The following GPD2 variants were observed in gnomAD, a reference collection of about 807,000 sequenced individuals.
GPD2 encodes the protein glycerol-3-phosphate dehydrogenase 2.
GPD2 carries 54 observed loss-of-function variants against 82.4 expected under a neutral mutation model. The ratio of observed to expected loss-of-function variants is 0.66; its 90% CI spans 0.53 to 0.82. GPD2 has a LOEUF of 0.82. Among genes scored for constraint, GPD2 ranks in the 40% least tolerant of loss-of-function variants. The probability of loss-of-function intolerance (pLI) is 0.00; values close to 1 mark genes in which losing one functional copy is unlikely to be tolerated. For missense variants in GPD2, 748 were observed against 896.2 expected, an observed-to-expected ratio of 0.83 and a Z score of 2.11; for synonymous variants, 288 against 306.1, an observed-to-expected ratio of 0.94 and a Z score of 0.62.
intron 6 of GPD2, among the ~76,000 whole-genome samples, chr2:156,519,718 C>T (rs888929160): frequency 1.3e-5 from 2 of 152,232 alleles, no homozygotes; most frequent in Admixed American, 6.5e-5. Flanking sequence ...GTGGGACTTG[C>T]GACAGGGGTG....
upstream of GPD2, among the ~76,000 whole-genome samples, chr2:156,436,082 T>A (rs979447429): frequency 2.6e-5 from 4 of 152,164 alleles, no homozygotes; most frequent in Admixed American, 2.6e-4. Context: ...AGGACCCGCG[T>A]CCCCGTCTAG....
rs1268925125 is a variant in GPD2, at chr2:156,534,696, C to G, written c.662-14912C>G. ...GATAGTATTCTCAGTTGTTTTTTCACATGACTAGCATTTACATTTATTTAT... is the reference window on the plus strand; with the variant it reads ...GATAGTATTCTCAGTTGTTTTTTCAGATGACTAGCATTTACATTTATTTAT... On this transcript the variant is annotated intron_variant, in intron 6 of 16. Transcript: ENST00000438166. Among the ~76,000 whole-genome samples, 3 of 152,132 alleles carry G rather than the reference C, an allele frequency of 2.0e-5. No individual in the cohort carries two copies. The East Asian group carries it at 5.8e-4, about 29-fold the overall frequency.
At chr2:156,496,337 A>G (rs1379052331) in intron 3 of GPD2, 122 bp downstream of exon 3, 27 of 687,902 alleles carry the variant, frequency 3.9e-5, no homozygotes, top group Non-Finnish European at 6.4e-5. Flanking sequence ...CCCATCACCT[A>G]GGTACAAGCT....
At chr2:156,575,251 G>A (rs904386740) in intron 13 of GPD2, among the ~76,000 whole-genome samples, 2 of 152,016 alleles carry the variant, frequency 1.3e-5, no homozygotes, top group Non-Finnish European at 2.9e-5. Flanking sequence ...AGAAACTAAT[G>A]GTCTTGGCAT....
At chr2:156,480,774 CTTTT>C (rs373482615) in intron 2 of GPD2, among the ~76,000 whole-genome samples, 1 of 136,560 alleles carries the variant, frequency 7.3e-6, no homozygotes, top group African/African-American at 2.7e-5. Flanking sequence ...ATCTCTCTCT[CTTTT>C]TTTTTTTTTT....
intron 6 of GPD2, among the ~76,000 whole-genome samples, chr2:156,535,588 TGTTA>T (rs1686049756): frequency 6.6e-6 from 1 of 152,294 alleles, no homozygotes; most frequent in African/African-American, 2.4e-5. Flanking sequence ...TGTTTTGTTT[TGTTA>T]GTTGTCTTTG....
chr2:156,419,226 A>G, the GPD2 span, among the ~76,000 whole-genome samples: 2 of 151,560 alleles, frequency 1.3e-5, no homozygotes, highest in Non-Finnish European at 2.9e-5. Flanking sequence ...CGGCCGGCTA[A>G]TTTTGTATTT....
At chr2:156,468,926 TCTAA>T (rs1683233996) in intron 1 of GPD2, among the ~76,000 whole-genome samples, 1 of 152,198 alleles carries the variant, frequency 6.6e-6, no homozygotes, top group Non-Finnish European at 1.5e-5. Context: ...TCTTATTCAT[TCTAA>T]CTATGTTTTT....
At chr2:156,569,601 A>G in intron 11 of GPD2, 63 bp downstream of exon 11, 2 of 1,196,094 alleles carry the variant, frequency 1.7e-6, no homozygotes, top group Non-Finnish European at 2.5e-6. Context: ...CCAGTGACAG[A>G]ACTGGCAGCA....
intron 2 of GPD2, among the ~76,000 whole-genome samples, chr2:156,478,518 T>C (rs1683600619): frequency 1.3e-5 from 2 of 151,954 alleles, no homozygotes; most frequent in Non-Finnish European, 2.9e-5. Context: ...ATAATAATAA[T>C]AAAAAATAAA....
intron 2 of GPD2, among the ~76,000 whole-genome samples, chr2:156,478,108 A>G (rs919200877): frequency 6.6e-6 from 1 of 151,938 alleles, no homozygotes; most frequent in Non-Finnish European, 1.5e-5. Context: ...TTTTGGTTTG[A>G]TTTCTCTCTA....
intron 1 of GPD2, among the ~76,000 whole-genome samples, chr2:156,440,060 T>C (rs1427136981): frequency 6.6e-6 from 1 of 152,186 alleles, no homozygotes; most frequent in African/African-American, 2.4e-5. Context: ...TAAGAAGATA[T>C]TATTAAGTAA....
the GPD2 span, among the ~76,000 whole-genome samples, chr2:156,409,795 G>A: frequency 6.6e-6 from 1 of 152,184 alleles, no homozygotes; most frequent in Non-Finnish European, 1.5e-5. Flanking sequence ...ATTCTCCAAA[G>A]TTAACATCCT....
chr2:156,474,528 C>T (rs1209352502), intron 1 of GPD2, among the ~76,000 whole-genome samples: 6 of 152,068 alleles, frequency 3.9e-5, no homozygotes, highest in Non-Finnish European at 8.8e-5. Flanking sequence ...GTAGTGGCTT[C>T]CCTGTTTCCC....
chr2:156,442,140 GT>G (rs1281629356), intron 1 of GPD2, among the ~76,000 whole-genome samples: 3 of 152,072 alleles, frequency 2.0e-5, no homozygotes, highest in African/African-American at 7.2e-5. Context: ...CTATAAAAGG[GT>G]TTAATATAGT....
At chr2:156,400,817 C>G in the GPD2 span, among the ~76,000 whole-genome samples, 6 of 152,298 alleles carry the variant, frequency 3.9e-5, no homozygotes, top group South Asian at 2.1e-4. Flanking sequence ...TGTGAGGTCC[C>G]GGGTTCAATC....
chr2:156,552,648 G>A (rs1313981340), intron 8 of GPD2, among the ~76,000 whole-genome samples: 3 of 152,054 alleles, frequency 2.0e-5, no homozygotes. Flanking sequence ...ATTCCCCACA[G>A]ACCTTATGTT....
At chr2:156,494,025 G>T (rs1684280893) in intron 2 of GPD2, among the ~76,000 whole-genome samples, 1 of 150,870 alleles carries the variant, frequency 6.6e-6, no homozygotes, top group South Asian at 2.1e-4. Flanking sequence ...GTTCTCTGTA[G>T]TACCTACTGG....
intron 16 of GPD2, among the ~76,000 whole-genome samples, chr2:156,580,200 A>T (rs1687979420): frequency 1.3e-5 from 2 of 152,180 alleles, no homozygotes; most frequent in African/African-American, 2.4e-5. Context: ...GAAAATTTTT[A>T]AAAAGTATGG....
Sources: gnomAD v4.1 joint callset for allele counts (sites outside exome capture counted in the v4.1 genomes callset) on GRCh38, gnomAD v4.1.1 for gene constraint, MANE v1.5 for transcripts, NCBI Gene and HGNC (gene_info 2026-07-23, HGNC 2026-07-21) for gene names.